MAP3K4: variants seen among roughly 807,000 people sequenced by gnomAD.
MAP3K4 encodes mitogen-activated protein kinase kinase kinase 4, also known as MAP three kinase 1.
Under a neutral mutation model 185.6 loss-of-function variants are expected in MAP3K4, and 67 were observed. That is an observed-to-expected ratio of 0.36 (90% CI 0.30 to 0.44). The LOEUF is 0.44. Ranked by LOEUF, MAP3K4 falls within the 20% of genes least tolerant of loss-of-function variation. The pLI is 1.00. For synonymous variants in MAP3K4, 702 were observed against 710.4 expected (o/e 0.99, Z 0.19); for missense variants, 1,551 against 1,995.1 (o/e 0.78, Z 4.24).
At chr6:161,026,746 T>G in intron 1 of MAP3K4, among the ~76,000 whole-genome samples, 1 of 148,742 alleles carries the variant, frequency 6.7e-6, no homozygotes, top group South Asian at 2.1e-4. Flanking sequence ...TTTTTTTTTT[T>G]TTTTTTTTTT....
chr6:161,028,397 C>T (rs1156655670), intron 1 of MAP3K4, among the ~76,000 whole-genome samples: 1 of 152,096 alleles, frequency 6.6e-6, no homozygotes, highest in African/African-American at 2.4e-5. Context: ...ATCAACAATC[C>T]TTCATTCTTG....
intron 6 of MAP3K4, among the ~76,000 whole-genome samples, chr6:161,083,881 C>T (rs1785575206): frequency 1.3e-5 from 2 of 152,196 alleles, no homozygotes; most frequent in African/African-American, 4.8e-5. Context: ...GCACTTACCT[C>T]CTGCTGCATC....
rs148304894 is a variant in MAP3K4, at chr6:161,105,454, T to C, written c.3857-1060T>C. ...GTGAGGAAGTTAATTACCTTGCCCA[T>C]TGTCAAACACCTAGAAAATGGCGAG... On this transcript the variant is annotated intron_variant, in intron 19 of 26. Transcript: ENST00000392142. Among the ~76,000 whole-genome samples the C allele has an allele frequency of 3.6e-3, 544 of 152,294 alleles. 4 individuals are homozygous for C. Among genetic ancestry groups the C allele is most frequent in the African/African-American group, 0.012 (508 of 41,556 alleles).
Position 161,086,311 on chromosome 6 carries a change from T to C in MAP3K4, c.2373-68T>C, listed in dbSNP as rs952276334. The C allele has an allele frequency of 3.4e-6, 3 of 889,872 alleles. No individual in the cohort carries two copies. The Admixed American group carries it at 7.3e-5, about 22-fold the overall frequency. 55.1% of individuals were successfully genotyped at this position (889,872 alleles called of 1,614,324 possible). ...TTTGGAATTTGCTTCATCTTTATTG[T>C]TAAATCCCTCTTGCACCTCTGGAAT... On this transcript the variant is annotated intron_variant, in intron 7 of 26. Transcript: ENST00000392142. This position sits in a 1 kb window ranked among gnomAD's most constrained non-coding sequence, Gnocchi z 4.8.
intron 3 of MAP3K4, among the ~76,000 whole-genome samples, chr6:161,066,255 T>A (rs962381141): frequency 6.6e-6 from 1 of 152,192 alleles, no homozygotes; most frequent in Admixed American, 6.5e-5. Context: ...ATTCAGAGGC[T>A]GCTGCTGCTT....
At chr6:161,092,625 C>T (rs1201376359) in intron 13 of MAP3K4, among the ~76,000 whole-genome samples, 2 of 145,462 alleles carry the variant, frequency 1.4e-5, no homozygotes, top group African/African-American at 5.6e-5. Flanking sequence ...GCAATTTCTC[C>T]AAGTTAGAGA....
In MAP3K4 at chr6:161,073,168, A is replaced by G. The variant is rs1583196827; in HGVS notation, c.1951-298A>G. The stretch of plus-strand genomic sequence containing the variant: ...TTATTCTATGGGATTTACTTTCTAT[A>G]TAAGTTTGTTGTTAAGAGAATTTAT... On this transcript the variant is annotated intron_variant, in intron 4 of 26. Coordinates refer to ENST00000392142, the MANE Select transcript of MAP3K4 (RefSeq NM_005922.4). The surrounding 1 kb of genome is among the most constrained non-coding windows in gnomAD (Gnocchi z 4.2). Among the ~76,000 whole-genome samples the G allele has an allele frequency of 2.0e-5, 3 of 152,188 alleles. 1 individual carries two copies. Among genetic ancestry groups the G allele is most frequent in the East Asian group, 3.9e-4 (2 of 5,192 alleles).
chr6:161,028,907 G>A (rs1782794689), intron 1 of MAP3K4, among the ~76,000 whole-genome samples: 1 of 152,158 alleles, frequency 6.6e-6, no homozygotes, highest in South Asian at 2.1e-4. Flanking sequence ...ATTGACTCGT[G>A]TAATATGGAT....
intron 1 of MAP3K4, among the ~76,000 whole-genome samples, chr6:160,997,242 C>G (rs1380563957): frequency 6.6e-6 from 1 of 152,084 alleles, no homozygotes; most frequent in African/African-American, 2.4e-5. Flanking sequence ...AGTATTCTCC[C>G]CATAATCTCT....
At chr6:161,081,237 G>A (rs1785440372) in intron 6 of MAP3K4, among the ~76,000 whole-genome samples, 199 bp downstream of exon 6, 1 of 150,536 alleles carries the variant, frequency 6.6e-6, no homozygotes, top group Non-Finnish European at 1.5e-5. Flanking sequence ...GGGACATTGG[G>A]CAGTATCTGG....
intron 1 of MAP3K4, among the ~76,000 whole-genome samples, chr6:160,998,520 T>C (rs13204034): frequency 0.064 from 9,782 of 152,248 alleles, 298 homozygotes; most frequent in Middle Eastern, 0.099. Flanking sequence ...GAGAATATTG[T>C]TGCCAAATTT....
At chr6:161,081,324 C>T (rs1187910853) in intron 6 of MAP3K4, among the ~76,000 whole-genome samples, 1 of 152,068 alleles carries the variant, frequency 6.6e-6, no homozygotes. Context: ...CGCACATTCA[C>T]GGCACACAGA....
At chr6:161,009,210 T>C (rs1583102014) in intron 1 of MAP3K4, among the ~76,000 whole-genome samples, 2 of 152,242 alleles carry the variant, frequency 1.3e-5, no homozygotes, top group Non-Finnish European at 2.9e-5. Flanking sequence ...GGTCTCCATC[T>C]CTTGACCTCG....
Position 161,053,146 on chromosome 6 carries a change from C to T in MAP3K4, c.1707+3167C>T, listed in dbSNP as rs1045828516. 2.0e-5 allele frequency among the ~76,000 whole-genome samples: 3 copies of T among 152,140 alleles called. No homozygotes were observed. The highest frequency in any genetic ancestry group is 4.4e-5 in the Non-Finnish European group (3 of 68,018). On this transcript the variant is annotated intron_variant, in intron 3 of 26. Transcript: ENST00000392142. The surrounding 1 kb of genome is among the most constrained non-coding windows in gnomAD (Gnocchi z 4.2). ...AGGCAACATCAGCTTCTGGGGAGGC[C>T]TCAGGGAGCTATAGTCATGATGGAA...
chr6:161,095,466 C>G (rs1777525834), intron 15 of MAP3K4, among the ~76,000 whole-genome samples: 2 of 152,130 alleles, frequency 1.3e-5, no homozygotes, highest in African/African-American at 2.4e-5. Context: ...CTTCCTTTCC[C>G]TCTGTTGTAA....
rs1391503400 is a variant in MAP3K4 at position 161,101,991 on chromosome 6, T to A, written c.3774T>A (p.Asp1258Glu). 3.1e-6 allele frequency: 5 copies of A among 1,613,218 alleles called. No homozygotes were observed. The South Asian group carries it at 4.4e-5, about 14-fold the overall frequency. Residue 1258 changes from aspartate to glutamate, a missense_variant and splice_region_variant, in exon 18 of 27, where the codon GAT becomes GAA. Physicochemically the swap from Asp to Glu is conservative, Grantham distance 45 (BLOSUM62 2). Transcript: ENST00000392142. This position sits in a 1 kb window ranked among gnomAD's most constrained non-coding sequence, Gnocchi z 5.1. ...ACTCAAGCCCCACGGAGGAGCGAGA[T>A]GGTGAGTGTTTTAAGGTGTTAGCTG... is the stretch of plus-strand genomic sequence containing the variant. Reference protein sequence around the residue: ...SRHSSPTEERDEPAYPRGDSS... With the variant: ...SRHSSPTEEREEPAYPRGDSS...
intron 1 of MAP3K4, among the ~76,000 whole-genome samples, chr6:161,009,111 A>G (rs987389698): frequency 6.6e-6 from 1 of 151,158 alleles, no homozygotes; most frequent in Non-Finnish European, 1.5e-5. Flanking sequence ...CAGCATCCCT[A>G]GTAGCTGGGA....
Position 161,108,714 on chromosome 6 carries a change from G to T in MAP3K4, c.4120-29G>T. The T allele has an allele frequency of 7.7e-7, 1 of 1,303,128 alleles. No homozygotes were observed. The highest frequency in any genetic ancestry group is 1.8e-4 in the Middle Eastern group (1 of 5,454). The allele number at this position is 1,303,128 out of a possible 1,614,324, so 80.7% of individuals were successfully genotyped here. The stretch of plus-strand genomic sequence containing the variant: ...AATGTAGAGTGATTAAATCAAGCCA[G>T]TTAACATTTTTGTCACCTCACTTTA... On this transcript the variant is annotated intron_variant, in intron 21 of 26. Transcript: ENST00000392142. The surrounding 1 kb of genome is among the most constrained non-coding windows in gnomAD (Gnocchi z 5.7).
chr6:161,004,327 G>A (rs1049175727), intron 1 of MAP3K4, among the ~76,000 whole-genome samples: 1 of 152,168 alleles, frequency 6.6e-6, no homozygotes, highest in Non-Finnish European at 1.5e-5. Context: ...ATCATTGTCA[G>A]TGAGAGCACT....
Sources: allele counts gnomAD v4.1 joint callset (sites outside exome capture counted in the v4.1 genomes callset), GRCh38; gene constraint gnomAD v4.1.1; non-coding constraint Gnocchi (gnomAD v3.1); transcripts MANE v1.5; gene names NCBI Gene and HGNC (gene_info 2026-07-23, HGNC 2026-07-21).